Variants in C4orf50 observed in about 807,000 individuals in gnomAD.
C4orf50 encodes the protein uncharacterized protein C4orf50.
Under a neutral mutation model 77.2 loss-of-function variants are expected in C4orf50, and 80 were observed. The ratio of observed to expected loss-of-function variants is 1.04; its 90% CI spans 0.87 to 1.25. The LOEUF (loss-of-function observed/expected upper bound fraction) is 1.25. C4orf50 is among the 50% of genes most tolerant of loss of function. C4orf50 has a pLI of 0.00. For missense variants in C4orf50, 1,257 were observed against 1,152.9 expected (o/e 1.09, Z -1.31); for synonymous variants, 532 against 465.3 (o/e 1.14, Z -1.84).
Position 5,958,769 on chromosome 4 carries a change from G to C in C4orf50, c.*606C>G, listed in dbSNP as rs1382883049. 6.6e-6 allele frequency: 1 copy of C among 152,208 alleles called. No homozygotes were observed. Among genetic ancestry groups the C allele is most frequent in the Non-Finnish European group, 1.5e-5 (1 of 68,098 alleles). The allele number at this position is 152,208 out of a possible 1,614,324, so 9.4% of individuals were successfully genotyped here. ...AATGTTTTTAAATGTAAAATATATGGTGACTTAGGCGTTTCACTTAGTAGA... is the reference window on the plus strand; with the variant it reads ...AATGTTTTTAAATGTAAAATATATGCTGACTTAGGCGTTTCACTTAGTAGA... On this transcript the variant is annotated 3_prime_UTR_variant, in exon 34 of 34. Transcript: ENST00000531445. The surrounding 1 kb of genome is among the most constrained non-coding windows in gnomAD (Gnocchi z 5.4).
rs2108809528 is a variant in C4orf50, at chr4:6,008,211, T to C, written c.748A>G (p.Ser250Gly). ...GCCGCCTCTTCCCGCTCGCGCTCGC[T>C]GCGCTCTGCCCTCGCCTGCAGGGCG... The change falls in exon 25 of 34, where the codon AGC becomes GGC. Residue 250 changes from serine (S) to glycine (G), a missense_variant. Physicochemically the swap from Ser to Gly is moderately conservative, Grantham distance 56. Coordinates refer to ENST00000531445, the Ensembl canonical transcript of C4orf50. The surrounding 1 kb of genome is among the most constrained non-coding windows in gnomAD (Gnocchi z 6.0). The C allele has an allele frequency of 5.0e-6, 2 of 397,526 alleles. No homozygotes were observed. Among genetic ancestry groups the C allele is most frequent in the East Asian group, 7.1e-5 (2 of 28,028 alleles). The allele number at this position is 397,526 out of a possible 1,614,324, so 24.6% of individuals were successfully genotyped here. A position where few individuals can be genotyped will look rare whatever the true frequency, so the allele number is the denominator to read the frequency against.
exon 34 of C4orf50, chr4:5,957,795 G>T (rs1241853311): frequency 2.0e-5 from 3 of 152,166 alleles, no homozygotes; most frequent in East Asian, 3.9e-4. Context: ...AACTCAATGT[G>T]CTGAGGCTGC....
In C4orf50 at chr4:5,975,911, CACTGCCA is replaced by C; in HGVS notation, c.3902_3908del (p.Leu1301Ter). On this transcript the variant is annotated frameshift_variant, in exon 30 of 34. Transcript: ENST00000531445. LOFTEE classifies it high-confidence loss of function. ...ATGAACATATTACCTTCAGGGGAGT[CACTGCCA>C]ACTTTGCTTCATGTTGCTTTTTCTG... The C allele has an allele frequency of 6.2e-7, 1 of 1,613,246 alleles. No individual in the cohort carries two copies. Among genetic ancestry groups the C allele is most frequent in the East Asian group, 2.2e-5 (1 of 44,882 alleles).
chr4:5,938,413 A>G (rs1012300445), intron 7 of C4orf50, among the ~76,000 whole-genome samples: 4 of 152,232 alleles, frequency 2.6e-5, no homozygotes, highest in Non-Finnish European at 5.9e-5. Context: ...CCAACAAGTT[A>G]ACAATGACAA....
exon 28 of C4orf50, chr4:5,990,448 T>C (rs1044635699): frequency 2.5e-6 from 1 of 402,094 alleles, no homozygotes; most frequent in Non-Finnish European, 4.4e-6. Context: ...AAATGGGTGA[T>C]TTGAAATGTA....
intron 23 of C4orf50, among the ~76,000 whole-genome samples, chr4:6,016,253 C>T (rs963322376): frequency 8.5e-5 from 13 of 152,094 alleles, no homozygotes; most frequent in African/African-American, 3.1e-4. Flanking sequence ...AGCCTATGGT[C>T]AAATTAGTTT....
exon 8 of C4orf50, chr4:5,897,968 G>A (rs911261934): frequency 2.0e-5 from 3 of 152,224 alleles, no homozygotes; most frequent in Non-Finnish European, 2.9e-5. Flanking sequence ...GCAGGACTTG[G>A]CCTGCCAACA....
chr4:5,959,329 A>C, exon 34 of C4orf50: 1 of 1,577,460 alleles, frequency 6.3e-7, no homozygotes, highest in Non-Finnish European at 8.6e-7. Context: ...TCTGCTTCAA[A>C]TATTTATGGA....
chr4:5,985,964 G>T (rs146121517), intron 28 of C4orf50, among the ~76,000 whole-genome samples: 1 of 152,162 alleles, frequency 6.6e-6, no homozygotes, highest in Non-Finnish European at 1.5e-5. Context: ...GCGAGACAGC[G>T]TCTCAAAAAT....
Position 6,009,483 on chromosome 4 carries a change from A to G in C4orf50, c.427-951T>C, listed in dbSNP as rs1236317845. 1.3e-5 allele frequency among the ~76,000 whole-genome samples: 2 copies of G among 152,224 alleles called. No individual in the cohort carries two copies. Among genetic ancestry groups the G allele is most frequent in the Admixed American group, 1.3e-4 (2 of 15,288 alleles). On this transcript the variant is annotated intron_variant, in intron 24 of 33. Transcript: ENST00000531445. The surrounding 1 kb of genome is among the most constrained non-coding windows in gnomAD (Gnocchi z 5.6). ...GATAGTTTTGGGGAACGTGGGGCAG[A>G]TAAAAGTCAGGGTCAGATTCCCTGG...
chr4:6,017,770 T>A lies in C4orf50; in HGVS notation c.287+375A>T, dbSNP rs1722734717. Reference sequence around the variant, plus strand: ...GACCAACTGGATTTGTCTGCCTCTGTCCTTGGTTTCTCAGTTCCTTCTACA... The same window carrying A: ...GACCAACTGGATTTGTCTGCCTCTGACCTTGGTTTCTCAGTTCCTTCTACA... On this transcript the variant is annotated intron_variant, in intron 23 of 33. Coordinates refer to ENST00000531445, the Ensembl canonical transcript of C4orf50. This position sits in a 1 kb window ranked among gnomAD's most constrained non-coding sequence, Gnocchi z 4.7. Among the ~76,000 whole-genome samples, 1 of 151,882 alleles carries A rather than the reference T, an allele frequency of 6.6e-6. No individual in the cohort carries two copies. Among genetic ancestry groups the A allele is most frequent in the Admixed American group, 6.5e-5 (1 of 15,272 alleles).
At chr4:5,982,534 G>A (rs945688961) in intron 28 of C4orf50, among the ~76,000 whole-genome samples, 8 of 152,174 alleles carry the variant, frequency 5.3e-5, no homozygotes, top group Non-Finnish European at 1.2e-4. Context: ...AGGCTGTGAT[G>A]ACCTGAAGGG....
chr4:5,993,332 G>A lies in C4orf50; in HGVS notation c.1094-402C>T, dbSNP rs533709282. Among the ~76,000 whole-genome samples the A allele has an allele frequency of 2.0e-3, 305 of 152,312 alleles. 2 individuals carry two copies. Among genetic ancestry groups the A allele is most frequent in the African/African-American group, 6.6e-3 (273 of 41,558 alleles). On this transcript the variant is annotated intron_variant, in intron 26 of 33. Transcript: ENST00000531445. ...CATGGCAGCTCTGCTCCCCAGAAAT[G>A]AGATAAAGGGAAAACGCTGGTTGCA...
At chr4:5,947,346 ACT>A (rs1371597479) in intron 7 of C4orf50, among the ~76,000 whole-genome samples, 1 of 152,094 alleles carries the variant, frequency 6.6e-6, no homozygotes, top group Admixed American at 6.5e-5. Flanking sequence ...GTTAAGAAGA[ACT>A]CAATGCCCTT....
At chr4:5,922,730 C>T (rs187695620) in intron 7 of C4orf50, among the ~76,000 whole-genome samples, 3 of 152,290 alleles carry the variant, frequency 2.0e-5, no homozygotes, top group Non-Finnish European at 2.9e-5. Flanking sequence ...CAGCGGCCCT[C>T]GTGGCATGCT....
chr4:6,004,375 GTGATGA>G (rs1166877808), intron 25 of C4orf50, among the ~76,000 whole-genome samples: 12 of 116,128 alleles, frequency 1.0e-4, no homozygotes, highest in East Asian at 6.7e-4. Flanking sequence ...GATGGTGATG[GTGATGA>G]TGGTGATGGT....
Position 6,011,241 on chromosome 4 carries a change from C to A in C4orf50, c.426+589G>T, listed in dbSNP as rs900945373. The stretch of plus-strand genomic sequence containing the variant: ...TTGTATTCAGAATTGGGCCATGCAG[C>A]GGAGTTGGCCACCTGGCCCCTCTGG... On this transcript the variant is annotated intron_variant, in intron 24 of 33. Coordinates refer to ENST00000531445, the Ensembl canonical transcript of C4orf50. The surrounding 1 kb of genome is among the most constrained non-coding windows in gnomAD (Gnocchi z 4.2). 6.6e-6 allele frequency among the ~76,000 whole-genome samples: 1 copy of A among 152,182 alleles called. No individual in the cohort carries two copies. The highest frequency in any genetic ancestry group is 1.5e-5 in the Non-Finnish European group (1 of 68,028).
intron 28 of C4orf50, among the ~76,000 whole-genome samples, chr4:5,981,232 T>C (rs997452745): frequency 2.0e-5 from 3 of 152,100 alleles, no homozygotes; most frequent in African/African-American, 7.2e-5. Context: ...AATGCTGTTA[T>C]TAGTATATAC....
chr4:5,979,923 A>G (rs972689890), intron 29 of C4orf50, among the ~76,000 whole-genome samples: 5 of 152,152 alleles, frequency 3.3e-5, no homozygotes, highest in African/African-American at 1.2e-4. Flanking sequence ...TTTATATGAC[A>G]CTGTAAGCCT....
Sources: gnomAD v4.1 joint callset for allele counts (sites outside exome capture counted in the v4.1 genomes callset) on GRCh38, gnomAD v4.1.1 for gene constraint, Gnocchi (gnomAD v3.1) non-coding constraint, MANE v1.5 for transcripts, NCBI Gene and HGNC (gene_info 2026-07-23, HGNC 2026-07-21) for gene names.